HAUS8: variants seen among roughly 807,000 people sequenced by gnomAD.
HAUS8 encodes HAUS augmin like complex subunit 8.
HAUS8 carries 38 observed loss-of-function variants against 42.9 expected under a neutral mutation model. That is an observed-to-expected ratio of 0.89 (90% CI 0.68 to 1.16). HAUS8 has a LOEUF of 1.16. Ranked by LOEUF, HAUS8 falls within the 50% of genes most tolerant of loss-of-function variation. HAUS8 has a pLI of 0.00. For synonymous variants in HAUS8, 199 were observed against 205.8 expected (o/e 0.97, Z 0.28); for missense variants, 494 against 511.6 (o/e 0.97, Z 0.33).
chr19:17,073,379 G>T, intron 1 of HAUS8, 44 bp from the exon 2 acceptor site: 1 of 1,566,534 alleles, frequency 6.4e-7, no homozygotes, highest in Non-Finnish European at 8.8e-7. Flanking sequence ...CACTACCCAA[G>T]AAGCACAGGG....
intron 2 of HAUS8, among the ~76,000 whole-genome samples, chr19:17,071,692 C>G (rs192036079): frequency 1.1e-3 from 175 of 152,284 alleles, no homozygotes; most frequent in African/African-American, 4.1e-3. Flanking sequence ...AACTAGGATA[C>G]AACTGTTTAT....
intron 4 of HAUS8, 184 bp from the exon 5 acceptor site, chr19:17,060,276 A>G: frequency 1.8e-6 from 1 of 548,386 alleles, no homozygotes; most frequent in South Asian, 2.6e-5. Flanking sequence ...CATCACCTTG[A>G]CTCTATTTTT....
chr19:17,068,239 G>A (rs1253355535), intron 3 of HAUS8, among the ~76,000 whole-genome samples: 1 of 151,240 alleles, frequency 6.6e-6, no homozygotes, highest in Non-Finnish European at 1.5e-5. Flanking sequence ...TCAGCCTCCT[G>A]AGTAGCTGGG....
chr19:17,075,264 G>A (rs1184835285), intron 1 of HAUS8, 130 bp downstream of exon 1: 3 of 1,015,164 alleles, frequency 3.0e-6, no homozygotes, highest in East Asian at 2.5e-5. Flanking sequence ...GGGGTCTTCA[G>A]GGGCCCGCGC....
chr19:17,054,599 T>A (rs553221601), intron 9 of HAUS8, among the ~76,000 whole-genome samples: 1 of 151,904 alleles, frequency 6.6e-6, no homozygotes, highest in East Asian at 2.0e-4. Flanking sequence ...GTCGGGAGTT[T>A]AAGACCAGCC....
At chr19:17,075,120 G>T in intron 1 of HAUS8, 1 of 526,366 alleles carries the variant, frequency 1.9e-6, no homozygotes, top group Non-Finnish European at 3.4e-6. Context: ...GCCCCATTTC[G>T]TAGCGGAGGA....
At chr19:17,070,027 C>G (rs79850212) in intron 2 of HAUS8, among the ~76,000 whole-genome samples, 1 of 152,118 alleles carries the variant, frequency 6.6e-6, no homozygotes, top group Non-Finnish European at 1.5e-5. Context: ...CTGCCTGAAT[C>G]CCCACAGCTC....
intron 3 of HAUS8, among the ~76,000 whole-genome samples, chr19:17,068,033 C>A (rs911877766): frequency 6.6e-6 from 1 of 151,316 alleles, no homozygotes; most frequent in South Asian, 2.1e-4. Context: ...TACTCCAATT[C>A]GGAGTGATCG....
intron 8 of HAUS8, among the ~76,000 whole-genome samples, chr19:17,057,183 G>A (rs2123365654): frequency 6.6e-6 from 1 of 152,100 alleles, no homozygotes; most frequent in South Asian, 2.1e-4. Flanking sequence ...AACCCTGTCT[G>A]TACTAAAAAT....
At position 17,052,827 on chromosome 19, in the gene HAUS8, T is replaced by G. The variant is rs2057295672; in HGVS notation, c.927A>C (p.Arg309=). ...TCTTAAAGCATTTTCCGAGGTACCT[T>G]CGGAGCTCAAGGTCCTTTTTCGCCG... ...DVTAKKDLEL[R]RSFAQVLELS... The change falls in exon 10 of 11, where the codon CGA becomes CGC. Residue 309 remains arginine (R), a splice_region_variant and synonymous_variant. Transcript: ENST00000253669. 1 of 1,614,014 alleles carries G rather than the reference T, an allele frequency of 6.2e-7. No homozygotes were observed. Among genetic ancestry groups the G allele is most frequent in the African/African-American group, 1.3e-5 (1 of 74,914 alleles).
Position 17,069,210 on chromosome 19 carries a change from G to A in HAUS8, c.92-124C>T. On this transcript the variant is annotated intron_variant, in intron 2 of 10. Coordinates refer to ENST00000253669, the MANE Select transcript of HAUS8 (RefSeq NM_033417.2). Reference sequence around the variant, plus strand: ...TCTCCACTCAGTGACCAGAACAGAGGAGGTCACCACTCCTCCTGCTCGCCT... The same window carrying A: ...TCTCCACTCAGTGACCAGAACAGAGAAGGTCACCACTCCTCCTGCTCGCCT... 7 of 806,692 alleles carry A rather than the reference G, an allele frequency of 8.7e-6. 1 individual carries two copies. The South Asian group carries it at 1.0e-4, about 12-fold the overall frequency. The allele number at this position is 806,692 out of a possible 1,614,324, so 50.0% of individuals were successfully genotyped here. A position where few individuals can be genotyped will look rare whatever the true frequency, so the allele number is the denominator to read the frequency against.
intron 9 of HAUS8, among the ~76,000 whole-genome samples, chr19:17,055,523 A>G (rs1396071860): frequency 6.6e-6 from 1 of 151,834 alleles, no homozygotes; most frequent in African/African-American, 2.4e-5. Context: ...TGCTCTGCTG[A>G]GGGGGAAAGC....
chr19:17,071,238 G>A (rs1266251023), intron 2 of HAUS8, among the ~76,000 whole-genome samples: 1 of 152,170 alleles, frequency 6.6e-6, no homozygotes, highest in East Asian at 1.9e-4. Flanking sequence ...TGATTCTTCT[G>A]TTGGGGACTG....
At chr19:17,075,523 G>C (rs1275561485), upstream of HAUS8, 1 of 1,317,084 alleles carries the variant, frequency 7.6e-7, no homozygotes, top group Non-Finnish European at 1.1e-6. Flanking sequence ...CAGGAGGGGT[G>C]GCTGCGAGGC....
intron 2 of HAUS8, 91 bp downstream of exon 2, chr19:17,073,182 GC>G: frequency 8.9e-7 from 1 of 1,119,090 alleles, no homozygotes; most frequent in East Asian, 2.4e-5. Context: ...AAAGCCACAG[GC>G]CCCCTTCTCT....
chr19:17,065,322 T>G (rs2057381244), intron 3 of HAUS8, among the ~76,000 whole-genome samples: 1 of 152,182 alleles, frequency 6.6e-6, no homozygotes, highest in South Asian at 2.1e-4. Context: ...CTATAAACCC[T>G]TGTTACAGTA....
rs137946277 is a variant in HAUS8 at position 17,050,593 on chromosome 19, A to G, written c.930-417T>C. ...TGGGCAACATGGCAAAACCACGTCT[A>G]TACAAAAATTTTTTTAAAAATACTG... On this transcript the variant is annotated intron_variant, in intron 10 of 10. Transcript: ENST00000253669. 3.7e-3 allele frequency among the ~76,000 whole-genome samples: 561 copies of G among 152,252 alleles called. 3 individuals are homozygous for G. Among genetic ancestry groups the G allele is most frequent in the African/African-American group, 0.013 (538 of 41,542 alleles).
intron 10 of HAUS8, among the ~76,000 whole-genome samples, chr19:17,050,479 A>T (rs150720188): frequency 3.1e-4 from 47 of 152,282 alleles, no homozygotes; most frequent in African/African-American, 1.1e-3. Context: ...TCCCCTGGCC[A>T]GGTAAAGTGG....
intron 10 of HAUS8, among the ~76,000 whole-genome samples, chr19:17,051,233 A>G (rs2057285415): frequency 6.6e-6 from 1 of 152,120 alleles, no homozygotes; most frequent in African/African-American, 2.4e-5. Flanking sequence ...CACAGGAGAA[A>G]GAAATGCCAC....
Sources: gnomAD v4.1 joint callset for allele counts (sites outside exome capture counted in the v4.1 genomes callset) on GRCh38, gnomAD v4.1.1 for gene constraint, MANE v1.5 for transcripts, NCBI Gene and HGNC (gene_info 2026-07-23, HGNC 2026-07-21) for gene names.